The following ZNF575 variants were observed in gnomAD, a reference collection of about 807,000 sequenced individuals.
The protein encoded by ZNF575 is zinc finger protein 575.
In ZNF575, 17 loss-of-function variants were observed where a neutral mutation model predicts 17.5. That is an observed-to-expected ratio of 0.97 (90% CI 0.66 to 1.45). The LOEUF is 1.45. ZNF575 is among the 40% of genes most tolerant of loss of function. The pLI, the probability that ZNF575 is intolerant of heterozygous loss-of-function variation, is 0.00. For synonymous variants in ZNF575, 146 were observed against 158.3 expected, an observed-to-expected ratio of 0.92 and a Z score of 0.58; for missense variants, 352 against 359.2, an observed-to-expected ratio of 0.98 and a Z score of 0.16.
Position 43,534,345 on chromosome 19 carries a change from A to C in ZNF575, c.-78A>C. The C allele has an allele frequency of 7.9e-6, 11 of 1,398,050 alleles. No homozygotes were observed. The highest frequency in any genetic ancestry group is 1.1e-5 in the Non-Finnish European group (11 of 1,017,536). 86.6% of individuals were successfully genotyped at this position (1,398,050 alleles called of 1,614,324 possible). On this transcript the variant is annotated 5_prime_UTR_variant, in exon 3 of 4. Coordinates refer to ENST00000314228, the MANE Select transcript of ZNF575 (RefSeq NM_174945.3). ...GTGATCCCTCATTTTAGGCCCTCCA[A>C]CCCTATCCCCATCAGCCTGGTCATC...
upstream of ZNF575, chr19:43,531,800 T>A (rs770923071): frequency 3.3e-5 from 22 of 675,076 alleles, 2 homozygotes; most frequent in Middle Eastern, 2.6e-4. Context: ...ACTTTTTTTT[T>A]AAAGATACGG....
intron 3 of ZNF575, 98 bp downstream of exon 3, chr19:43,534,599 C>T: frequency 8.4e-7 from 1 of 1,189,788 alleles, no homozygotes; most frequent in Non-Finnish European, 1.1e-6. Context: ...TTTGAGGGCC[C>T]TAGGGTGATG....
rs1362531695 is a variant in ZNF575, at chr19:43,535,210, C to G, written c.261C>G (p.Gly87=). 1 of 1,610,544 alleles carries G rather than the reference C, an allele frequency of 6.2e-7. No homozygotes were observed. The highest frequency in any genetic ancestry group is 8.5e-7 in the Non-Finnish European group (1 of 1,178,622). ...KLATHRLAHG[G]ARPHPCPDCP... is the part of the protein sequence containing the mutation. ...CCACGCACCGCTTAGCACACGGAGG[C>G]GCCCGACCCCACCCATGCCCAGACT... Residue 87 remains glycine, a synonymous_variant, in exon 4 of 4, where the codon GGC becomes GGG. Coordinates refer to ENST00000314228, the MANE Select transcript of ZNF575 (RefSeq NM_174945.3).
upstream of ZNF575, among the ~76,000 whole-genome samples, chr19:43,531,124 C>CA (rs1200175640): frequency 0.13 from 13,294 of 104,232 alleles, 724 homozygotes; most frequent in African/African-American, 0.2. Flanking sequence ...ACCAAAAATA[C>CA]AAAAAAAAAA....
At chr19:43,531,012 C>T (rs997893152), upstream of ZNF575, among the ~76,000 whole-genome samples, 2 of 151,922 alleles carry the variant, frequency 1.3e-5, no homozygotes, top group African/African-American at 4.8e-5. Flanking sequence ...GGCGCGGTGG[C>T]TCACACCTGA....
Position 43,535,635 on chromosome 19 carries a change from T to G in ZNF575, c.686T>G (p.Leu229Arg). The change falls in exon 4 of 4, where the codon CTC becomes CGC. Residue 229 changes from leucine (L) to arginine (R), a missense_variant. Leu to Arg is a moderately radical substitution (Grantham distance 102). Transcript: ENST00000314228. Reference sequence around the variant, plus strand: ...GCCTTTGGCCAGAGACGCTTACTGCTCCTTCATCAACGCAGCCACCACCAG... The same window carrying G: ...GCCTTTGGCCAGAGACGCTTACTGCGCCTTCATCAACGCAGCCACCACCAG... ...GQAFGQRRLLLLHQRSHHQVE... is the reference protein window; with the variant it reads ...GQAFGQRRLLRLHQRSHHQVE... 6.2e-7 allele frequency: 1 copy of G among 1,613,312 alleles called. No homozygotes were observed. Among genetic ancestry groups the G allele is most frequent in the Non-Finnish European group, 8.5e-7 (1 of 1,179,840 alleles).
rs1239785313 is a variant in ZNF575 at position 43,533,839 on chromosome 19, A to G, written c.-150A>G. 6.5e-6 allele frequency: 1 copy of G among 152,686 alleles called. No homozygotes were observed. The highest frequency in any genetic ancestry group is 1.5e-5 in the Non-Finnish European group (1 of 68,324). 9.5% of individuals were successfully genotyped at this position (152,686 alleles called of 1,614,324 possible). ...CGGCCCCATCCAAGCCAGGGATGAAATTTAACGGCAAGAAGGGCGCAGTTG... is the reference window on the plus strand; with the variant it reads ...CGGCCCCATCCAAGCCAGGGATGAAGTTTAACGGCAAGAAGGGCGCAGTTG... On this transcript the variant is annotated 5_prime_UTR_variant, in exon 2 of 4. Transcript: ENST00000314228.
Position 43,535,050 on chromosome 19 carries a change from AG to A in ZNF575, c.102del (p.Lys35SerfsTer49). On this transcript the variant is annotated frameshift_variant, in exon 4 of 4. Coordinates refer to ENST00000314228, the MANE Select transcript of ZNF575 (RefSeq NM_174945.3). LOFTEE classifies it high-confidence loss of function. ...CCAGCTCCCCACCAGGGCCCACCGC[AG>A]AAGCCCAGCCAGTCAGCTCCAGGGC... ...TKEAPHQGPP[Q>X]KPSQSAPGPT... is the part of the protein sequence containing the mutation. The A allele has an allele frequency of 1.4e-6, 2 of 1,479,378 alleles. No individual in the cohort carries two copies. Among genetic ancestry groups the A allele is most frequent in the Non-Finnish European group, 1.8e-6 (2 of 1,126,004 alleles). 91.6% of individuals were successfully genotyped at this position (1,479,378 alleles called of 1,614,324 possible).
At position 43,535,132 on chromosome 19, in the gene ZNF575, C is replaced by G; in HGVS notation, c.183C>G (p.Arg61=). 6.4e-7 allele frequency: 1 copy of G among 1,559,804 alleles called. No homozygotes were observed. Among genetic ancestry groups the G allele is most frequent in the Non-Finnish European group, 8.7e-7 (1 of 1,155,102 alleles). ...PRPRRRPPPQ[R]PHRCPDCDKA... Reference sequence around the variant, plus strand: ...CTCGCCGGCGGCCCCCGCCCCAGCGCCCGCACCGCTGCCCCGACTGTGACA... The same window carrying G: ...CTCGCCGGCGGCCCCCGCCCCAGCGGCCGCACCGCTGCCCCGACTGTGACA... Residue 61 remains arginine (R), a synonymous_variant, in exon 4 of 4, where the codon CGC becomes CGG. Transcript: ENST00000314228.
Position 43,535,603 on chromosome 19 carries a change from C to T in ZNF575, c.654C>T (p.Cys218=), listed in dbSNP as rs1972409321. 1.9e-6 allele frequency: 3 copies of T among 1,613,660 alleles called. No individual in the cohort carries two copies. The highest frequency in any genetic ancestry group is 2.5e-6 in the Non-Finnish European group (3 of 1,179,982). The change falls in exon 4 of 4, where the codon TGC becomes TGT. Residue 218 remains cysteine, a synonymous_variant. Coordinates refer to ENST00000314228, the MANE Select transcript of ZNF575 (RefSeq NM_174945.3). ...CTGCCTGGCACCGATGCTCCAGCTG[C>T]GGCCAGGCCTTTGGCCAGAGACGCT... is the stretch of plus-strand genomic sequence containing the variant. ...QATAWHRCSS[C]GQAFGQRRLL...
At chr19:43,531,006 C>T (rs8100211), upstream of ZNF575, among the ~76,000 whole-genome samples, 29,253 of 151,670 alleles carry the variant, frequency 0.19, 2,977 homozygotes, top group African/African-American at 0.23. Flanking sequence ...AGGTTGGGCG[C>T]GGTGGCTCAC....
At position 43,535,269 on chromosome 19, in the gene ZNF575, C is replaced by T. The variant is rs1458737688; in HGVS notation, c.320C>T (p.Ala107Val). ...GCCTTCTCCTACCCCTCCAAGCTGG[C>T]AGCCCACCGCCTCACGCACAGCGGC... is the stretch of plus-strand genomic sequence containing the variant. ...PKAFSYPSKL[A>V]AHRLTHSGAR... Residue 107 changes from alanine (A) to valine (V), a missense_variant, in exon 4 of 4, where the codon GCA (alanine) becomes GTA (valine). Physicochemically the swap from Ala to Val is moderately conservative, Grantham distance 64 (BLOSUM62 0). Coordinates refer to ENST00000314228, the MANE Select transcript of ZNF575 (RefSeq NM_174945.3). 1 of 1,612,310 alleles carries T rather than the reference C, an allele frequency of 6.2e-7. No individual in the cohort carries two copies. The highest frequency in any genetic ancestry group is 1.3e-5 in the African/African-American group (1 of 75,000).
In ZNF575 at chr19:43,535,491, A is replaced by T. The variant is rs773450105; in HGVS notation, c.542A>T (p.His181Leu). ...GACGCCCGCCCCTATCCTTGCCCGC[A>T]TTGCCCCAAGGCTTTCTCATTTCCC... ...ATDARPYPCP[H>L]CPKAFSFPSK... The change falls in exon 4 of 4, where the codon CAT (histidine) becomes CTT (leucine). Residue 181 changes from histidine to leucine, a missense_variant. Transcript: ENST00000314228. 5 of 1,611,106 alleles carry T rather than the reference A, an allele frequency of 3.1e-6. No homozygotes were observed. In the Middle Eastern group the frequency reaches 8.3e-4, roughly 266 times the overall value.
In ZNF575 at chr19:43,535,342, C is replaced by T. The variant is rs772615966; in HGVS notation, c.393C>T (p.Arg131=). The change falls in exon 4 of 4, where the codon CGC becomes CGT. Residue 131 remains arginine (R), a synonymous_variant. Transcript: ENST00000314228. Reference sequence around the variant, plus strand: ...ACTGCCCGAAGTCCTTTGGCCACCGCTCCAAGCTGGCGGCTCACCTCTGGA... The same window carrying T: ...ACTGCCCGAAGTCCTTTGGCCACCGTTCCAAGCTGGCGGCTCACCTCTGGA... The part of the protein sequence containing the change: ...CPHCPKSFGH[R]SKLAAHLWTH... 6.2e-7 allele frequency: 1 copy of T among 1,603,302 alleles called. No individual in the cohort carries two copies. The highest frequency in any genetic ancestry group is 1.3e-5 in the African/African-American group (1 of 74,454).
At chr19:43,532,805 G>A (rs902037769), upstream of ZNF575, among the ~76,000 whole-genome samples, 3 of 152,226 alleles carry the variant, frequency 2.0e-5, no homozygotes, top group Non-Finnish European at 4.4e-5. Flanking sequence ...GGACCACCCA[G>A]GCTTCCGAGG....
At chr19:43,532,935 CG>C, upstream of ZNF575, 1 of 151,862 alleles carries the variant, frequency 6.6e-6, no homozygotes, top group South Asian at 2.1e-4. Context: ...CCCGGAGTCC[CG>C]CCCCCGCCCT....
At chr19:43,534,144 T>C in intron 2 of ZNF575, 193 bp from the exon 3 acceptor site, 1 of 494,608 alleles carries the variant, frequency 2.0e-6, no homozygotes, top group Non-Finnish European at 3.6e-6. Context: ...GCTGAGTTAG[T>C]TGTGGAGACT....
chr19:43,535,821 A>G lies in ZNF575; in HGVS notation c.*134A>G. On this transcript the variant is annotated 3_prime_UTR_variant, in exon 4 of 4. Coordinates refer to ENST00000314228, the MANE Select transcript of ZNF575 (RefSeq NM_174945.3). ...GCAGGGCAAGGGATTGGCCATTTAT[A>G]CTGGGCTCGAGCTCAGAAGCCCGAG... is the stretch of plus-strand genomic sequence containing the variant. 1 of 1,050,200 alleles carries G rather than the reference A, an allele frequency of 9.5e-7. No individual in the cohort carries two copies. The highest frequency in any genetic ancestry group is 1.3e-6 in the Non-Finnish European group (1 of 746,088). The allele number at this position is 1,050,200 out of a possible 1,614,324, so 65.1% of individuals were successfully genotyped here. A position where few individuals can be genotyped will look rare whatever the true frequency, so the allele number is the denominator to read the frequency against.
chr19:43,531,827 G>A (rs757503517), upstream of ZNF575: 36 of 689,908 alleles, frequency 5.2e-5, no homozygotes, highest in African/African-American at 1.8e-4. Context: ...ACTCTGTTGC[G>A]CAGGCTGGAA....
Sources: allele counts gnomAD v4.1 joint callset (sites outside exome capture counted in the v4.1 genomes callset), GRCh38; gene constraint gnomAD v4.1.1; transcripts MANE v1.5; gene names NCBI Gene and HGNC (gene_info 2026-07-23, HGNC 2026-07-21).